Variants in ARHGAP22 observed in about 807,000 individuals in gnomAD.
The protein encoded by ARHGAP22 is Rho GTPase activating protein 22, also known as rho GTPase-activating protein 22.
Under a neutral mutation model 59.1 loss-of-function variants are expected in ARHGAP22, and 48 were observed. That is an observed-to-expected ratio of 0.81 (90% CI 0.64 to 1.03). The LOEUF (loss-of-function observed/expected upper bound fraction) is 1.03. ARHGAP22 is among the 50% of genes least tolerant of loss of function. ARHGAP22 has a pLI of 0.00. For synonymous variants in ARHGAP22, 445 were observed against 416.4 expected (o/e 1.07, Z -0.84); for missense variants, 1,015 against 958.7 (o/e 1.06, Z -0.78).
intron 2 of ARHGAP22, among the ~76,000 whole-genome samples, chr10:48,577,972 C>G (rs2058856381): frequency 6.6e-6 from 1 of 151,888 alleles, no homozygotes; most frequent in Non-Finnish European, 1.5e-5. Context: ...GCACACCCGG[C>G]TAATTTTTGT....
chr10:48,578,927 G>A (rs1240328469), intron 2 of ARHGAP22, among the ~76,000 whole-genome samples: 1 of 148,506 alleles, frequency 6.7e-6, no homozygotes, highest in Admixed American at 6.7e-5. Flanking sequence ...CCGTTCTTTT[G>A]CTTTTTAATC....
chr10:48,485,298 G>T (rs1438115002), intron 3 of ARHGAP22, among the ~76,000 whole-genome samples: 1 of 152,030 alleles, frequency 6.6e-6, no homozygotes. Context: ...ATTTCAATAC[G>T]TTGTGTTTTC....
chr10:48,639,210 TTG>T, intron 1 of ARHGAP22, among the ~76,000 whole-genome samples: 2 of 152,324 alleles, frequency 1.3e-5, no homozygotes, highest in South Asian at 4.1e-4. Flanking sequence ...TCAATTATGA[TTG>T]TCAGTACTAC....
chr10:48,459,566 G>T, intron 5 of ARHGAP22, 118 bp downstream of exon 5: 2 of 1,186,730 alleles, frequency 1.7e-6, no homozygotes, highest in Non-Finnish European at 1.2e-6. Context: ...CACTAGGAGG[G>T]CTGGCCCACC....
intron 1 of ARHGAP22, among the ~76,000 whole-genome samples, chr10:48,645,166 G>T (rs192964946): frequency 6.6e-6 from 1 of 152,176 alleles, no homozygotes; most frequent in Non-Finnish European, 1.5e-5. Flanking sequence ...ACATATACAT[G>T]CACGTGCCCC....
chr10:48,519,027 A>G (rs1430474005), intron 3 of ARHGAP22, among the ~76,000 whole-genome samples: 2 of 152,182 alleles, frequency 1.3e-5, no homozygotes, highest in African/African-American at 2.4e-5. Context: ...AAAGATTCTG[A>G]TGAGTTTGCC....
chr10:48,451,904 C>T (rs1183715031), intron 8 of ARHGAP22, among the ~76,000 whole-genome samples: 1 of 151,026 alleles, frequency 6.6e-6, no homozygotes, highest in Non-Finnish European at 1.5e-5. Context: ...ACCCAGCCTC[C>T]CCAAATCCCC....
chr10:48,552,276 A>T (rs1462728809), intron 3 of ARHGAP22, among the ~76,000 whole-genome samples: 1 of 152,276 alleles, frequency 6.6e-6, no homozygotes, highest in African/African-American at 2.4e-5. Flanking sequence ...AGGCCAGCAC[A>T]GGCATAGCCT....
At chr10:48,513,431 G>A (rs575653972) in intron 3 of ARHGAP22, among the ~76,000 whole-genome samples, 82 of 152,230 alleles carry the variant, frequency 5.4e-4, no homozygotes, top group Non-Finnish European at 1.1e-3. Context: ...CTATGGCAGA[G>A]TCACAAACTT....
chr10:48,613,653 T>G (rs1176596714), intron 1 of ARHGAP22, among the ~76,000 whole-genome samples: 1 of 150,830 alleles, frequency 6.6e-6, no homozygotes, highest in African/African-American at 2.4e-5. Flanking sequence ...ATAACTTTTA[T>G]AGACCACTGA....
In ARHGAP22 at chr10:48,505,131, C is replaced by G. The variant is rs112652670; in HGVS notation, c.323-25367G>C. 9.4e-3 allele frequency among the ~76,000 whole-genome samples: 1,429 copies of G among 152,278 alleles called. 27 individuals carry two copies. Among genetic ancestry groups the G allele is most frequent in the African/African-American group, 0.032 (1,337 of 41,548 alleles). On this transcript the variant is annotated intron_variant, in intron 3 of 9. Transcript: ENST00000249601. Reference sequence around the variant, plus strand: ...TGCAGTGGCACAATCTCGGCTCACTCCAACCTCCGCCTTCTGGATTCAAGC... The same window carrying G: ...TGCAGTGGCACAATCTCGGCTCACTGCAACCTCCGCCTTCTGGATTCAAGC...
Position 48,480,119 on chromosome 10 carries a change from A to T in ARHGAP22, c.323-355T>A, listed in dbSNP as rs79918781. Among the ~76,000 whole-genome samples, 1,307 of 152,238 alleles carry T rather than the reference A, an allele frequency of 8.6e-3. 19 individuals are homozygous for T. The highest frequency in any genetic ancestry group is 0.03 in the African/African-American group (1,241 of 41,542). ...CTCACTTTATGCTTTGTTTCAAATC[A>T]ATTTTGCCCATTTTAAGAACACAGT... On this transcript the variant is annotated intron_variant, in intron 3 of 9. Coordinates refer to ENST00000249601, the MANE Select transcript of ARHGAP22 (RefSeq NM_021226.4).
intron 3 of ARHGAP22, among the ~76,000 whole-genome samples, chr10:48,500,020 C>T (rs943435713): frequency 4.6e-5 from 7 of 151,340 alleles, no homozygotes; most frequent in African/African-American, 1.2e-4. Flanking sequence ...TAGTGAAGTC[C>T]GACCAGCCCA....
intron 3 of ARHGAP22, among the ~76,000 whole-genome samples, chr10:48,525,727 A>G (rs902190293): frequency 5.3e-5 from 8 of 152,182 alleles, no homozygotes; most frequent in East Asian, 1.9e-4. Context: ...AAATATTACT[A>G]TAGTGTTCAC....
At chr10:48,437,676 T>C in the ARHGAP22 span, 2 of 152,260 alleles carry the variant, frequency 1.3e-5, no homozygotes, top group South Asian at 2.1e-4. Context: ...TAGTGTTTGC[T>C]GAACAGTTTT....
chr10:48,464,224 TG>T (rs745972038), intron 4 of ARHGAP22, among the ~76,000 whole-genome samples: 2 of 152,148 alleles, frequency 1.3e-5, no homozygotes, highest in Non-Finnish European at 2.9e-5. Flanking sequence ...AGCCCAAACT[TG>T]GCAAGCAGGC....
At chr10:48,590,312 G>A (rs185987822) in intron 1 of ARHGAP22, among the ~76,000 whole-genome samples, 3 of 152,226 alleles carry the variant, frequency 2.0e-5, no homozygotes, top group East Asian at 3.9e-4. Flanking sequence ...GTGGGTGAGG[G>A]TCAGGTAGGG....
At chr10:48,591,186 C>T (rs184450117) in intron 1 of ARHGAP22, among the ~76,000 whole-genome samples, 94 of 152,248 alleles carry the variant, frequency 6.2e-4, no homozygotes, top group East Asian at 1.9e-3. Context: ...AGGGTGACTG[C>T]GAGCCCGCAG....
upstream of ARHGAP22, among the ~76,000 whole-genome samples, chr10:48,654,828 T>TTCTTTCTC (rs2062708761): frequency 7.0e-6 from 1 of 141,956 alleles, no homozygotes; most frequent in Non-Finnish European, 1.5e-5. Flanking sequence ...CTTTCTTTCT[T>TTCTTTCTC]CCTTCCTTCC....
Sources: gnomAD v4.1 joint callset for allele counts (sites outside exome capture counted in the v4.1 genomes callset) on GRCh38, gnomAD v4.1.1 for gene constraint, MANE v1.5 for transcripts, NCBI Gene and HGNC (gene_info 2026-07-23, HGNC 2026-07-21) for gene names.